The following SEMA3A variants were observed in gnomAD, a reference collection of about 807,000 sequenced individuals.
SEMA3A encodes the protein semaphorin-3A.
In SEMA3A, 29 loss-of-function variants were observed where a neutral mutation model predicts 97.9. The ratio of observed to expected loss-of-function variants is 0.30; its 90% CI spans 0.22 to 0.40. The LOEUF is 0.40. Among genes scored for constraint, SEMA3A ranks in the 10% least tolerant of loss-of-function variants. The probability of loss-of-function intolerance (pLI) is 1.00; values close to 1 mark genes in which losing one functional copy is unlikely to be tolerated. For missense variants in SEMA3A, 763 were observed against 951.3 expected (o/e 0.80, Z 2.60); for synonymous variants, 321 against 323.7 (o/e 0.99, Z 0.09).
chr7:84,136,956 G>GGAA (rs1281863766), intron 1 of SEMA3A, among the ~76,000 whole-genome samples: 30 of 110,546 alleles, frequency 2.7e-4, no homozygotes, highest in Admixed American at 1.9e-3. Context: ...GAAGGAGGGA[G>GGAA]GGAAGAAGGA....
rs949304887 is a variant in SEMA3A at position 84,233,062 on chromosome 7, A to C, written c.-82-38394T>G. On this transcript the variant is annotated intron_variant, in intron 3 of 3. Transcript: ENST00000424555. Reference sequence around the variant, plus strand: ...GGTCTTTGGAGTTATTCTACTTTTTAAGGTATTTCAACTATTTGTAGACTT... The same window carrying C: ...GGTCTTTGGAGTTATTCTACTTTTTCAGGTATTTCAACTATTTGTAGACTT... 5.9e-5 allele frequency among the ~76,000 whole-genome samples: 9 copies of C among 152,134 alleles called. 1 individual carries two copies. Among genetic ancestry groups the C allele is most frequent in the Admixed American group, 1.3e-4 (2 of 15,236 alleles).
intron 6 of SEMA3A, among the ~76,000 whole-genome samples, chr7:84,035,618 C>T (rs1791915750): frequency 2.6e-5 from 4 of 151,774 alleles, no homozygotes; most frequent in Admixed American, 2.6e-4. Context: ...CATGATTATT[C>T]CTATTAATTA....
intron 3 of SEMA3A, among the ~76,000 whole-genome samples, chr7:84,297,582 T>C (rs567234207): frequency 2.9e-4 from 44 of 152,258 alleles, no homozygotes; most frequent in African/African-American, 1.1e-3. Flanking sequence ...CTAATCTACA[T>C]AGGTCTTTGT....
intron 1 of SEMA3A, among the ~76,000 whole-genome samples, chr7:84,430,789 T>TGTGTGTGTGTG (rs1562945573): frequency 2.1e-3 from 307 of 143,424 alleles, no homozygotes; most frequent in African/African-American, 7.4e-3. Context: ...AACATAAAAT[T>TGTGTGTGTGTG]TGTGTGTGTG....
chr7:84,267,233 C>A (rs1424302649), intron 3 of SEMA3A, among the ~76,000 whole-genome samples: 2 of 151,944 alleles, frequency 1.3e-5, no homozygotes, highest in African/African-American at 4.8e-5. Context: ...GTCTAAAATC[C>A]AAAACACTTC....
In SEMA3A at chr7:84,491,432, T is replaced by C. The variant is rs188502153; in HGVS notation, c.-246+1028A>G. 8.3e-4 allele frequency among the ~76,000 whole-genome samples: 126 copies of C among 152,236 alleles called. 1 individual carries two copies. Among genetic ancestry groups the C allele is most frequent in the Middle Eastern group, 3.4e-3 (1 of 294 alleles). ...CTTTAATCTGATCAGCTTTGTGCAG[T>C]GTTTGATGGATTAATTCAGAAATCA... On this transcript the variant is annotated intron_variant, in intron 1 of 3. Transcript: ENST00000424555.
intron 2 of SEMA3A, among the ~76,000 whole-genome samples, chr7:84,132,662 G>GTTTTTTGTT (rs1795999283): frequency 1.2e-5 from 1 of 86,630 alleles, no homozygotes; most frequent in African/African-American, 4.0e-5. Flanking sequence ...TCGACTTGGT[G>GTTTTTTGTT]TTTTTTTTTT....
rs2116019709 is a variant in SEMA3A, at chr7:84,129,316, T to G, written c.271-131A>C. On this transcript the variant is annotated intron_variant, in intron 2 of 16. Transcript: ENST00000265362. The stretch of plus-strand genomic sequence containing the variant: ...TCCATAAAGACTGTTTCAGGAAACT[T>G]TCACTTTAGACCTTCCAGTGGCGCC... 4.1e-6 allele frequency: 3 copies of G among 734,036 alleles called. No individual in the cohort carries two copies. The East Asian group carries it at 8.0e-5, about 20-fold the overall frequency. 45.5% of individuals were successfully genotyped at this position (734,036 alleles called of 1,614,324 possible). A position where few individuals can be genotyped will look rare whatever the true frequency, so the allele number is the denominator to read the frequency against.
intron 1 of SEMA3A, among the ~76,000 whole-genome samples, chr7:84,407,256 A>G (rs1022634430): frequency 4.6e-5 from 7 of 152,174 alleles, no homozygotes; most frequent in Non-Finnish European, 1.0e-4. Context: ...ATACACCAAT[A>G]ACAGAGAGCC....
chr7:84,192,244 T>C (rs553382619), intron 1 of SEMA3A, among the ~76,000 whole-genome samples: 67 of 152,046 alleles, frequency 4.4e-4, no homozygotes, highest in Admixed American at 3.1e-3. Context: ...TATTGTACTT[T>C]AGAAACAAAG....
intron 1 of SEMA3A, among the ~76,000 whole-genome samples, chr7:84,419,049 T>A (rs185098338): frequency 4.0e-4 from 61 of 152,200 alleles, no homozygotes; most frequent in African/African-American, 1.4e-3. Flanking sequence ...TTCTCTTTCA[T>A]GTTATATAGT....
At chr7:84,305,697 A>G (rs1801137626) in intron 3 of SEMA3A, among the ~76,000 whole-genome samples, 1 of 151,974 alleles carries the variant, frequency 6.6e-6, no homozygotes, top group Non-Finnish European at 1.5e-5. Context: ...TTTAATTAGT[A>G]CCCAGGAAAT....
chr7:84,269,308 T>C (rs1298975622), intron 3 of SEMA3A, among the ~76,000 whole-genome samples: 3 of 152,072 alleles, frequency 2.0e-5, no homozygotes, highest in African/African-American at 7.2e-5. Context: ...ACAAAACCTA[T>C]AAAAATGTGA....
chr7:84,064,808 C>T (rs1176729025), intron 4 of SEMA3A, among the ~76,000 whole-genome samples: 1 of 151,104 alleles, frequency 6.6e-6, no homozygotes. Context: ...TAGACTCCCA[C>T]ACATTAATAA....
chr7:84,335,240 T>A (rs1429491647), intron 2 of SEMA3A, among the ~76,000 whole-genome samples: 1 of 152,154 alleles, frequency 6.6e-6, no homozygotes, highest in East Asian at 1.9e-4. Context: ...TAATTGTACA[T>A]AATTTCAATT....
intron 4 of SEMA3A, among the ~76,000 whole-genome samples, chr7:84,082,314 G>T (rs542429428): frequency 6.6e-6 from 1 of 152,236 alleles, no homozygotes; most frequent in African/African-American, 2.4e-5. Context: ...TCTAGCTACA[G>T]AGCTACACGG....
chr7:84,229,442 A>T (rs1799067451), intron 3 of SEMA3A, among the ~76,000 whole-genome samples: 1 of 152,088 alleles, frequency 6.6e-6, no homozygotes, highest in Non-Finnish European at 1.5e-5. Flanking sequence ...AATCTATTTA[A>T]CCTTGGATTA....
At chr7:84,120,619 A>C (rs1795581998) in intron 3 of SEMA3A, among the ~76,000 whole-genome samples, 1 of 152,212 alleles carries the variant, frequency 6.6e-6, no homozygotes, top group South Asian at 2.1e-4. Flanking sequence ...TTCATCAAAA[A>C]TCAGTTATCT....
intron 1 of SEMA3A, among the ~76,000 whole-genome samples, chr7:84,388,629 T>G (rs532668924): frequency 6.6e-6 from 1 of 152,178 alleles, no homozygotes; most frequent in African/African-American, 2.4e-5. Flanking sequence ...AAAGGAAAAC[T>G]GATTATACTT....
Sources: gnomAD v4.1 joint callset for allele counts (sites outside exome capture counted in the v4.1 genomes callset) on GRCh38, gnomAD v4.1.1 for gene constraint, MANE v1.5 for transcripts, NCBI Gene and HGNC (gene_info 2026-07-23, HGNC 2026-07-21) for gene names.